The following BABAM2 variants were observed in gnomAD, a reference collection of about 807,000 sequenced individuals.
The protein encoded by BABAM2 is BRISC and BRCA1-A complex member 2.
Under a neutral mutation model 54.7 loss-of-function variants are expected in BABAM2, and 31 were observed. The ratio of observed to expected loss-of-function variants is 0.57; its 90% CI spans 0.43 to 0.77. BABAM2 has a LOEUF of 0.77. Among genes scored for constraint, BABAM2 ranks in the 30% least tolerant of loss-of-function variants. The pLI, the probability that BABAM2 is intolerant of heterozygous loss-of-function variation, is 0.00. For missense variants in BABAM2, 364 were observed against 455.8 expected (o/e 0.80, Z 1.83); for synonymous variants, 167 against 162.9 (o/e 1.03, Z -0.19).
chr2:28,185,819 A>G (rs549859653), intron 7 of BABAM2, among the ~76,000 whole-genome samples: 1 of 152,120 alleles, frequency 6.6e-6, no homozygotes, highest in Non-Finnish European at 1.5e-5. Flanking sequence ...CCATCAGGCC[A>G]TCTACAAAGA....
intron 8 of BABAM2, among the ~76,000 whole-genome samples, chr2:28,239,931 CA>C (rs1466951974): frequency 6.6e-6 from 1 of 152,114 alleles, no homozygotes; most frequent in Non-Finnish European, 1.5e-5. Context: ...TCACCTTAGC[CA>C]AGTGATCAGG....
intron 6 of BABAM2, among the ~76,000 whole-genome samples, chr2:28,073,963 A>G (rs996449175): frequency 6.6e-6 from 1 of 152,120 alleles, no homozygotes; most frequent in African/African-American, 2.4e-5. Flanking sequence ...GTTTTTATAT[A>G]TAAATATATT....
chr2:28,010,937 G>T (rs1674342291), intron 4 of BABAM2, among the ~76,000 whole-genome samples: 1 of 152,122 alleles, frequency 6.6e-6, no homozygotes, highest in Non-Finnish European at 1.5e-5. Context: ...TTTCTCAGCA[G>T]TCCCAGCTGA....
intron 11 of BABAM2, among the ~76,000 whole-genome samples, chr2:28,299,204 T>C (rs750889608): frequency 6.6e-6 from 1 of 152,186 alleles, no homozygotes; most frequent in African/African-American, 2.4e-5. Context: ...GATATGGAAG[T>C]AGGATTTCAT....
intron 11 of BABAM2, among the ~76,000 whole-genome samples, chr2:28,328,345 C>T (rs1690663064): frequency 6.6e-6 from 1 of 152,164 alleles, no homozygotes; most frequent in African/African-American, 2.4e-5. Flanking sequence ...CAGTTGAAGT[C>T]ACAGCTGCAG....
At chr2:28,183,164 C>T (rs530889905) in intron 7 of BABAM2, among the ~76,000 whole-genome samples, 2 of 152,178 alleles carry the variant, frequency 1.3e-5, no homozygotes, top group African/African-American at 4.8e-5. Flanking sequence ...TATGGTCAGG[C>T]GTGGTGGCTC....
At chr2:28,167,486 G>A (rs1411297227) in intron 7 of BABAM2, among the ~76,000 whole-genome samples, 1 of 152,076 alleles carries the variant, frequency 6.6e-6, no homozygotes, top group Non-Finnish European at 1.5e-5. Flanking sequence ...CTGAGGTCAG[G>A]AGTTCCAGAC....
chr2:27,982,635 A>G (rs1672091320), intron 3 of BABAM2, among the ~76,000 whole-genome samples: 1 of 150,310 alleles, frequency 6.7e-6, no homozygotes, highest in African/African-American at 2.4e-5. Context: ...AATATACTTA[A>G]CAAAATTTAC....
chr2:28,059,456 A>T (rs2148636897), intron 6 of BABAM2, among the ~76,000 whole-genome samples: 1 of 152,324 alleles, frequency 6.6e-6, no homozygotes, highest in East Asian at 1.9e-4. Flanking sequence ...CTCTTGAAGC[A>T]GGATGGGATA....
chr2:27,903,610 C>G (rs145953600), intron 2 of BABAM2, among the ~76,000 whole-genome samples: 1 of 152,148 alleles, frequency 6.6e-6, no homozygotes, highest in South Asian at 2.1e-4. Flanking sequence ...TCCAAGACCT[C>G]CCCTAGTAGA....
At chr2:27,926,913 T>TTAC (rs1360825900) in intron 2 of BABAM2, among the ~76,000 whole-genome samples, 6 of 152,202 alleles carry the variant, frequency 3.9e-5, no homozygotes, top group Non-Finnish European at 8.8e-5. Flanking sequence ...CATATCCTCA[T>TTAC]CTCAAACATT....
At chr2:28,211,902 C>G (rs982216089) in intron 7 of BABAM2, among the ~76,000 whole-genome samples, 1 of 152,036 alleles carries the variant, frequency 6.6e-6, no homozygotes, top group African/African-American at 2.4e-5. Context: ...TTTAGATTTC[C>G]TCATTTGTCT....
intron 5 of BABAM2, among the ~76,000 whole-genome samples, chr2:28,026,943 TATATTAATATATATAAATATATATATAA>T (rs1675867127): frequency 2.1e-4 from 1 of 4,762 alleles, no homozygotes; most frequent in Non-Finnish European, 2.8e-3. Context: ...TATATAAATA[TATATTAATATATATAAATATATATATAA>T]ATATATAAAT....
rs530498148 is a variant in BABAM2, at chr2:28,143,544, ATTAT to A, written c.680+14167_680+14170del. Among the ~76,000 whole-genome samples the A allele has an allele frequency of 5.5e-4, 84 of 152,342 alleles. 1 individual carries two copies. The highest frequency in any genetic ancestry group is 1.9e-3 in the African/African-American group (78 of 41,586). On this transcript the variant is annotated intron_variant, in intron 7 of 11. Coordinates refer to ENST00000379624, the MANE Select transcript of BABAM2 (RefSeq NM_199191.3). ...AGTAACTATGGAAAGTGATGAACAT[ATTAT>A]TTGTTTTACTATAGTAATCATTTTA...
At chr2:28,296,106 C>T (rs1422162394) in intron 10 of BABAM2, among the ~76,000 whole-genome samples, 3 of 152,044 alleles carry the variant, frequency 2.0e-5, no homozygotes, top group African/African-American at 7.2e-5. Flanking sequence ...GAGCGAGACC[C>T]TGTCTCAAAA....
intron 11 of BABAM2, among the ~76,000 whole-genome samples, chr2:28,337,819 T>C (rs569093953): frequency 6.6e-6 from 1 of 152,240 alleles, no homozygotes; most frequent in Admixed American, 6.5e-5. Flanking sequence ...ACCCTGTCTC[T>C]GTGAAAAAAT....
rs145751963 is a variant in BABAM2, at chr2:28,311,127, G to C, written c.1088+12636G>C. Among the ~76,000 whole-genome samples the C allele has an allele frequency of 7.3e-3, 1,103 of 152,044 alleles. 10 individuals carry two copies. The highest frequency in any genetic ancestry group is 0.025 in the African/African-American group (1,045 of 41,464). ...ATACAAAAAATTAGCCGAGTGTGGT[G>C]GTGGGCACCTGTAGTCCCAGGTACT... On this transcript the variant is annotated intron_variant, in intron 11 of 11. Transcript: ENST00000379624.
intron 7 of BABAM2, among the ~76,000 whole-genome samples, chr2:28,172,497 G>C (rs1326038597): frequency 1.3e-5 from 2 of 152,086 alleles, no homozygotes; most frequent in African/African-American, 4.8e-5. Context: ...ACAGTGACTG[G>C]GTCAGAAGTC....
At chr2:27,954,135 A>G (rs1669929333) in intron 3 of BABAM2, among the ~76,000 whole-genome samples, 1 of 152,068 alleles carries the variant, frequency 6.6e-6, no homozygotes, top group Non-Finnish European at 1.5e-5. Flanking sequence ...AAAAGTTACA[A>G]CTCATTTCTA....
Sources: gnomAD v4.1 joint callset for allele counts (sites outside exome capture counted in the v4.1 genomes callset) on GRCh38, gnomAD v4.1.1 for gene constraint, MANE v1.5 for transcripts, NCBI Gene and HGNC (gene_info 2026-07-23, HGNC 2026-07-21) for gene names.